The following MYBPC1 variants were observed in gnomAD, a reference collection of about 807,000 sequenced individuals.
The protein encoded by MYBPC1 is myosin binding protein C1, also known as myosin-binding protein C, slow-type.
A neutral mutation model predicts 147.1 loss-of-function variants in MYBPC1; 52 were observed. The observed-to-expected ratio is 0.35, with a 90% CI of 0.28 to 0.45. The LOEUF (loss-of-function observed/expected upper bound fraction) is 0.45, where lower values mean the gene tolerates loss of function less well. Ranked by LOEUF, MYBPC1 falls within the 20% of genes least tolerant of loss-of-function variation. The pLI, the probability that MYBPC1 is intolerant of heterozygous loss-of-function variation, is 1.00. For missense variants in MYBPC1, 1,228 were observed against 1,440.3 expected (o/e 0.85, Z 2.39); for synonymous variants, 477 against 475.9 (o/e 1.00, Z -0.03).
At chr12:101,614,406 G>C in intron 1 of MYBPC1, 90 bp from the exon 2 acceptor site, 2 of 1,435,170 alleles carry the variant, frequency 1.4e-6, no homozygotes, top group Non-Finnish European at 9.7e-7. Context: ...TGAGATGGCT[G>C]CCTGCAGCAG....
At chr12:101,623,183 A>G (rs1384216167) in intron 3 of MYBPC1, among the ~76,000 whole-genome samples, 1 of 152,202 alleles carries the variant, frequency 6.6e-6, no homozygotes, top group Non-Finnish European at 1.5e-5. Flanking sequence ...TACTAAAAAT[A>G]CAAAAATTAG....
intron 1 of MYBPC1, among the ~76,000 whole-genome samples, chr12:101,603,049 C>T (rs1880733088): frequency 6.6e-6 from 1 of 151,978 alleles, no homozygotes; most frequent in Non-Finnish European, 1.5e-5. Flanking sequence ...TGGGACTTTA[C>T]AATTTCTCTC....
intron 18 of MYBPC1, 151 bp from the exon 19 acceptor site, chr12:101,659,521 A>C (rs1236330662): frequency 1.3e-6 from 1 of 790,258 alleles, no homozygotes; most frequent in Non-Finnish European, 2.1e-6. Context: ...CATGAACACT[A>C]TATAGTTACA....
At chr12:101,679,303 G>A (rs530902295) in intron 28 of MYBPC1, among the ~76,000 whole-genome samples, 10 of 152,310 alleles carry the variant, frequency 6.6e-5, no homozygotes, top group East Asian at 3.9e-4. Context: ...TAGGAGAAAG[G>A]CCAGGGCTGT....
intron 25 of MYBPC1, among the ~76,000 whole-genome samples, chr12:101,673,828 G>A (rs909499697): frequency 2.6e-5 from 4 of 152,150 alleles, no homozygotes; most frequent in Non-Finnish European, 4.4e-5. Flanking sequence ...CAACGTAGGC[G>A]GATCACTTGG....
chr12:101,618,888 T>C (rs1886763250), intron 3 of MYBPC1, among the ~76,000 whole-genome samples: 1 of 151,434 alleles, frequency 6.6e-6, no homozygotes. Context: ...TGTGTGTGTG[T>C]GTGTGTCTGT....
intron 1 of MYBPC1, among the ~76,000 whole-genome samples, chr12:101,605,040 C>CTAGG (rs1306102236): frequency 6.6e-6 from 1 of 152,176 alleles, no homozygotes; most frequent in Non-Finnish European, 1.5e-5. Context: ...TACTGAGGAG[C>CTAGG]TAGGGCCTTC....
At chr12:101,693,226 G>A in the MYBPC1 span, among the ~76,000 whole-genome samples, 9 of 152,084 alleles carry the variant, frequency 5.9e-5, no homozygotes, top group East Asian at 1.9e-4. Context: ...GATTACAGGC[G>A]TGAGCCACCG....
chr12:101,647,819 G>T (rs1593881453), intron 13 of MYBPC1, among the ~76,000 whole-genome samples: 1 of 152,120 alleles, frequency 6.6e-6, no homozygotes, highest in East Asian at 1.9e-4. Flanking sequence ...CCTAGGGGGT[G>T]GAGGTTACAT....
intron 22 of MYBPC1, chr12:101,666,667 A>C: frequency 2.3e-6 from 3 of 1,329,836 alleles, no homozygotes; most frequent in Non-Finnish European, 3.2e-6. Flanking sequence ...CTAACAGAGA[A>C]TGCTGACTGC....
At chr12:101,639,729 G>C (rs1045354326) in intron 10 of MYBPC1, among the ~76,000 whole-genome samples, 1 of 152,008 alleles carries the variant, frequency 6.6e-6, no homozygotes, top group East Asian at 1.9e-4. Context: ...TTCACCTCAT[G>C]GATCTATGTA....
chr12:101,645,458 A>G (rs1456579031), intron 12 of MYBPC1, among the ~76,000 whole-genome samples: 3 of 152,176 alleles, frequency 2.0e-5, no homozygotes, highest in South Asian at 2.1e-4. Context: ...TTCAACTCCA[A>G]TATATTTTTT....
intron 1 of MYBPC1, among the ~76,000 whole-genome samples, chr12:101,599,749 G>A (rs1565871252): frequency 1.3e-5 from 2 of 152,140 alleles, no homozygotes; most frequent in Non-Finnish European, 2.9e-5. Flanking sequence ...ACTTCAAATG[G>A]TTCATCGAGG....
At chr12:101,663,286 A>G (rs1896888570) in intron 21 of MYBPC1, 140 bp from the exon 22 acceptor site, 1 of 780,328 alleles carries the variant, frequency 1.3e-6, no homozygotes, top group Admixed American at 1.9e-5. Flanking sequence ...ATCCATGCTC[A>G]AGGTGTCTTA....
chr12:101,650,644 A>G (rs1271945883), intron 15 of MYBPC1, among the ~76,000 whole-genome samples: 4 of 152,200 alleles, frequency 2.6e-5, no homozygotes, highest in Non-Finnish European at 5.9e-5. Context: ...AGGAACTACA[A>G]TTCAAGATGA....
chr12:101,649,445 G>A lies in MYBPC1; in HGVS notation c.1363+19G>A. ...GTTGACTGTAAGTGAGACTTCTTTA[G>A]ATGTCTTCTCAGTGGGCTTATTAAT... On this transcript the variant is annotated intron_variant, in intron 15 of 31. Transcript: ENST00000361466. The A allele has an allele frequency of 6.2e-7, 1 of 1,613,140 alleles. No individual in the cohort carries two copies. The highest frequency in any genetic ancestry group is 1.3e-5 in the African/African-American group (1 of 75,014).
At chr12:101,619,236 T>C (rs1468230695) in intron 3 of MYBPC1, among the ~76,000 whole-genome samples, 2 of 152,122 alleles carry the variant, frequency 1.3e-5, no homozygotes, top group Non-Finnish European at 2.9e-5. Flanking sequence ...TATTTTTTTT[T>C]TTTAACCATC....
intron 18 of MYBPC1, among the ~76,000 whole-genome samples, chr12:101,658,611 T>C (rs1896009226): frequency 6.6e-6 from 1 of 152,194 alleles, no homozygotes; most frequent in Non-Finnish European, 1.5e-5. Flanking sequence ...TGTTCACAGA[T>C]GACATGGTTG....
chr12:101,626,222 G>A (rs954298296), intron 3 of MYBPC1, among the ~76,000 whole-genome samples: 4 of 151,408 alleles, frequency 2.6e-5, no homozygotes, highest in Non-Finnish European at 4.4e-5. Context: ...AAGTTCAGAT[G>A]TTTTTTAAAA....
Sources: gnomAD v4.1 joint callset for allele counts (sites outside exome capture counted in the v4.1 genomes callset) on GRCh38, gnomAD v4.1.1 for gene constraint, MANE v1.5 for transcripts, NCBI Gene and HGNC (gene_info 2026-07-23, HGNC 2026-07-21) for gene names.